KANK1: variants seen among roughly 807,000 people sequenced by gnomAD.
The protein encoded by KANK1 is KN motif and ankyrin repeat domains 1, also known as KN motif and ankyrin repeat domain-containing protein 1.
In KANK1, 109 loss-of-function variants were observed where a neutral mutation model predicts 106.2. The ratio of observed to expected loss-of-function variants is 1.03; its 90% CI spans 0.88 to 1.20. The LOEUF (loss-of-function observed/expected upper bound fraction) is 1.20, where lower values mean the gene tolerates loss of function less well. Ranked by LOEUF, KANK1 falls within the 50% of genes most tolerant of loss-of-function variation. The pLI is 0.00. For synonymous variants in KANK1, 873 were observed against 652.2 expected (o/e 1.34, Z -5.16); for missense variants, 2,399 against 1,710.7 (o/e 1.40, Z -7.10).
intron 1 of KANK1, among the ~76,000 whole-genome samples, chr9:646,107 G>A (rs1166850186): frequency 6.6e-6 from 1 of 150,802 alleles, no homozygotes; most frequent in Non-Finnish European, 1.5e-5. Flanking sequence ...CTCTAAGTTT[G>A]TTTAGGATAC....
intron 2 of KANK1, among the ~76,000 whole-genome samples, chr9:701,534 G>A (rs1299678925): frequency 6.6e-6 from 1 of 152,154 alleles, no homozygotes; most frequent in Admixed American, 6.6e-5. Context: ...CTTTGTTGGG[G>A]GAAGGAGGGC....
intron 1 of KANK1, among the ~76,000 whole-genome samples, chr9:512,535 C>A (rs888000320): frequency 6.6e-5 from 10 of 152,080 alleles, no homozygotes; most frequent in Non-Finnish European, 1.3e-4. Context: ...CCAAAAACAT[C>A]CTCCAAGTCA....
intron 1 of KANK1, among the ~76,000 whole-genome samples, chr9:589,155 C>G (rs967394513): frequency 6.6e-6 from 1 of 152,172 alleles, no homozygotes; most frequent in African/African-American, 2.4e-5. Flanking sequence ...TGCCAGTGCA[C>G]TTCCACACAC....
upstream of KANK1, among the ~76,000 whole-genome samples, chr9:503,442 A>T (rs1284788445): frequency 6.6e-6 from 1 of 152,184 alleles, no homozygotes; most frequent in Non-Finnish European, 1.5e-5. Context: ...CTAAACAGTC[A>T]GGAGCCATCA....
intron 1 of KANK1, among the ~76,000 whole-genome samples, chr9:570,872 A>G (rs1311858035): frequency 2.6e-5 from 4 of 152,146 alleles, no homozygotes; most frequent in African/African-American, 9.7e-5. Context: ...TAATAATGTA[A>G]GTTTTTGACT....
At chr9:530,755 C>G (rs1251812648) in intron 1 of KANK1, among the ~76,000 whole-genome samples, 1 of 152,066 alleles carries the variant, frequency 6.6e-6, no homozygotes, top group African/African-American at 2.4e-5. Flanking sequence ...TTGGAAGGCC[C>G]AGGAAGGTGG....
intron 3 of KANK1, among the ~76,000 whole-genome samples, chr9:492,508 T>G (rs1278541044): frequency 6.6e-6 from 1 of 152,208 alleles, no homozygotes; most frequent in Non-Finnish European, 1.5e-5. Flanking sequence ...CCTTTAGAGC[T>G]GTTAAGGGTT....
intron 1 of KANK1, chr9:660,214 T>C: frequency 3.7e-6 from 1 of 266,678 alleles, no homozygotes; most frequent in Non-Finnish European, 8.1e-6. Context: ...TAATTGAGCA[T>C]CCAGAATATG....
intron 1 of KANK1, among the ~76,000 whole-genome samples, chr9:533,575 G>A (rs766563688): frequency 1.3e-5 from 2 of 152,176 alleles, no homozygotes; most frequent in Admixed American, 6.5e-5. Context: ...TGACTTATCT[G>A]AATCCTGAAT....
At position 738,803 on chromosome 9, in the gene KANK1, C is replaced by T. The variant is rs17434231; in HGVS notation, c.3553+299C>T. Among the ~76,000 whole-genome samples, 752 of 152,258 alleles carry T rather than the reference C, an allele frequency of 4.9e-3. 3 individuals carry two copies. Among genetic ancestry groups the T allele is most frequent in the Non-Finnish European group, 5.6e-3 (383 of 68,020 alleles). The stretch of plus-strand genomic sequence containing the variant: ...TATGCCTGGTAAGAAGCATGTCTCA[C>T]GTTCCCTCCTGAGCTGAATCATGCG... On this transcript the variant is annotated intron_variant, in intron 8 of 11. Transcript: ENST00000382297.
At chr9:736,978 C>T (rs142086773) in intron 7 of KANK1, among the ~76,000 whole-genome samples, 1 of 152,154 alleles carries the variant, frequency 6.6e-6, no homozygotes, top group East Asian at 1.9e-4. Flanking sequence ...CTCCAAATTG[C>T]CGAGCATGGT....
intron 3 of KANK1, among the ~76,000 whole-genome samples, chr9:490,958 CTTT>C (rs758168904): frequency 2.6e-5 from 3 of 116,344 alleles, no homozygotes; most frequent in Admixed American, 9.0e-5. Flanking sequence ...GCTAAAGTGG[CTTT>C]TTTTTTTTTT....
intron 1 of KANK1, among the ~76,000 whole-genome samples, chr9:593,347 T>A (rs1270991252): frequency 2.0e-5 from 3 of 151,908 alleles, no homozygotes; most frequent in Non-Finnish European, 2.9e-5. Context: ...AGGATTCTTG[T>A]ATCCCACTTT....
At chr9:659,279 G>A (rs1842801323) in intron 1 of KANK1, among the ~76,000 whole-genome samples, 1 of 152,166 alleles carries the variant, frequency 6.6e-6, no homozygotes, top group African/African-American at 2.4e-5. Flanking sequence ...GGCTCTTGGA[G>A]CCTTAGGGCA....
chr9:726,580 A>C (rs1830712874), intron 3 of KANK1, among the ~76,000 whole-genome samples: 1 of 151,466 alleles, frequency 6.6e-6, no homozygotes, highest in Non-Finnish European at 1.5e-5. Flanking sequence ...CGCAGGTTGC[A>C]GTGAGCCAAG....
chr9:681,557 C>T (rs577380461), intron 2 of KANK1, among the ~76,000 whole-genome samples: 1 of 152,260 alleles, frequency 6.6e-6, no homozygotes, highest in East Asian at 1.9e-4. Flanking sequence ...ATAATAATAG[C>T]TATCCTACCT....
At chr9:610,367 A>G (rs891690302) in intron 1 of KANK1, among the ~76,000 whole-genome samples, 2 of 150,338 alleles carry the variant, frequency 1.3e-5, no homozygotes, top group Non-Finnish European at 2.9e-5. Context: ...AGCAAATGTT[A>G]TATATAATGA....
At chr9:510,771 A>C (rs962187285) in intron 1 of KANK1, among the ~76,000 whole-genome samples, 2 of 152,244 alleles carry the variant, frequency 1.3e-5, no homozygotes, top group Non-Finnish European at 2.9e-5. Context: ...CATTCAAGTC[A>C]GCATCATGGG....
Position 725,515 on chromosome 9 carries a change from A to AAT in KANK1, c.2699-4536_2699-4535insAT, listed in dbSNP as rs1554710456. ...CTGTCTCAAAAAAAAAAAAAAAAAA[A>AAT]TTTAGATGATCTCTAATGCCTTACA... On this transcript the variant is annotated intron_variant, in intron 3 of 11. Coordinates refer to ENST00000382297, the MANE Select transcript of KANK1 (RefSeq NM_015158.5). 5.4e-4 allele frequency among the ~76,000 whole-genome samples: 81 copies of AAT among 151,216 alleles called. 1 individual carries two copies. In the East Asian group the frequency reaches 0.015, roughly 28 times the overall value.
Sources: gnomAD v4.1 joint callset for allele counts (sites outside exome capture counted in the v4.1 genomes callset) on GRCh38, gnomAD v4.1.1 for gene constraint, MANE v1.5 for transcripts, NCBI Gene and HGNC (gene_info 2026-07-23, HGNC 2026-07-21) for gene names.